KCND2: variants seen among roughly 807,000 people sequenced by gnomAD.
KCND2 encodes potassium voltage-gated channel subfamily D member 2, also known as A-type voltage-gated potassium channel KCND2.
KCND2 carries 16 observed loss-of-function variants against 54.4 expected under a neutral mutation model. That is an observed-to-expected ratio of 0.29 (90% CI 0.20 to 0.45). KCND2 has a LOEUF of 0.45. Ranked by LOEUF, KCND2 falls within the 20% of genes least tolerant of loss-of-function variation. The pLI is 1.00. For missense variants in KCND2, 486 were observed against 824.2 expected (o/e 0.59, Z 5.02); for synonymous variants, 317 against 310.7 (o/e 1.02, Z -0.21).
At chr7:120,331,911 C>T (rs1363006661) in intron 1 of KCND2, among the ~76,000 whole-genome samples, 1 of 152,150 alleles carries the variant, frequency 6.6e-6, no homozygotes. Flanking sequence ...TCCCCACTCT[C>T]CTTTTCTGTT....
At chr7:120,483,624 A>C (rs562578615) in intron 1 of KCND2, among the ~76,000 whole-genome samples, 3 of 152,334 alleles carry the variant, frequency 2.0e-5, no homozygotes, top group African/African-American at 4.8e-5. Flanking sequence ...GAAAATCAGA[A>C]ACATGAAGCG....
chr7:120,748,856 TCAA>T lies in KCND2; in HGVS notation c.*1002_*1004del, dbSNP rs1272800927. 6.6e-6 allele frequency: 1 copy of T among 151,992 alleles called. No individual in the cohort carries two copies. The highest frequency in any genetic ancestry group is 1.9e-4 in the East Asian group (1 of 5,196). 9.4% of individuals were successfully genotyped at this position (151,992 alleles called of 1,614,324 possible). A position where few individuals can be genotyped will look rare whatever the true frequency, so the allele number is the denominator to read the frequency against. ...CACCTCTCTATTGGGTTTATCATCA[TCAA>T]CAAGACTACTGTTTACTGTAGTTCA... On this transcript the variant is annotated 3_prime_UTR_variant, in exon 6 of 6. Coordinates refer to ENST00000331113, the MANE Select transcript of KCND2 (RefSeq NM_012281.3).
chr7:120,592,589 A>G (rs1227355507), intron 1 of KCND2, among the ~76,000 whole-genome samples: 2 of 152,216 alleles, frequency 1.3e-5, no homozygotes, highest in Admixed American at 6.5e-5. Flanking sequence ...AATTAATTAT[A>G]CAATATTTGA....
chr7:120,648,818 A>T (rs1215237592), intron 1 of KCND2, among the ~76,000 whole-genome samples: 1 of 152,260 alleles, frequency 6.6e-6, no homozygotes, highest in Non-Finnish European at 1.5e-5. Flanking sequence ...ATAGCATTTC[A>T]TCTAAATGGC....
At chr7:120,716,472 G>A (rs2116087284) in intron 1 of KCND2, among the ~76,000 whole-genome samples, 1 of 152,180 alleles carries the variant, frequency 6.6e-6, no homozygotes, top group East Asian at 1.9e-4. Context: ...CCATTGTGTA[G>A]CAGTCAACTC....
chr7:120,620,656 A>G (rs969852424), intron 1 of KCND2, among the ~76,000 whole-genome samples: 7 of 152,214 alleles, frequency 4.6e-5, no homozygotes, highest in Non-Finnish European at 1.0e-4. Context: ...AAGAATTGAC[A>G]TGCTAAGTCA....
chr7:120,562,124 T>C (rs756365942), intron 1 of KCND2, among the ~76,000 whole-genome samples: 1 of 152,166 alleles, frequency 6.6e-6, no homozygotes, highest in Non-Finnish European at 1.5e-5. Flanking sequence ...TTGAAAGTTA[T>C]AAGCGCAAGA....
intron 1 of KCND2, among the ~76,000 whole-genome samples, chr7:120,380,474 T>C (rs560906725): frequency 2.3e-4 from 35 of 152,104 alleles, no homozygotes; most frequent in Non-Finnish European, 3.5e-4. Flanking sequence ...AATTCCAAAG[T>C]AGTATAACTT....
At chr7:120,283,218 C>T (rs1268405169) in intron 1 of KCND2, among the ~76,000 whole-genome samples, 2 of 151,990 alleles carry the variant, frequency 1.3e-5, no homozygotes, top group East Asian at 3.9e-4. Context: ...GTAATAGAAG[C>T]AAAGAGAGTA....
At chr7:120,403,620 A>G (rs1167361938) in intron 1 of KCND2, among the ~76,000 whole-genome samples, 3 of 151,492 alleles carry the variant, frequency 2.0e-5, no homozygotes, top group African/African-American at 7.3e-5. Context: ...ATGAGCCACC[A>G]TGCCAGGTGA....
intron 1 of KCND2, among the ~76,000 whole-genome samples, chr7:120,495,045 C>T (rs938536556): frequency 1.3e-4 from 20 of 152,192 alleles, no homozygotes; most frequent in African/African-American, 2.4e-5. Context: ...CTTCTTTCTA[C>T]TCCCCTGAAA....
chr7:120,368,515 G>A (rs758762175), intron 1 of KCND2, among the ~76,000 whole-genome samples: 1 of 152,042 alleles, frequency 6.6e-6, no homozygotes, highest in Non-Finnish European at 1.5e-5. Context: ...TTCTAAAAGT[G>A]ACTTTTCTCT....
intron 1 of KCND2, among the ~76,000 whole-genome samples, chr7:120,585,029 A>G (rs927475167): frequency 6.6e-6 from 1 of 152,194 alleles, no homozygotes; most frequent in Non-Finnish European, 1.5e-5. Flanking sequence ...GGCATATAAG[A>G]AGATTGAGTT....
intron 1 of KCND2, among the ~76,000 whole-genome samples, chr7:120,679,849 A>T (rs1792117374): frequency 6.6e-6 from 1 of 152,080 alleles, no homozygotes; most frequent in Non-Finnish European, 1.5e-5. Flanking sequence ...GGGGTTCTTT[A>T]ATTTATTCAT....
chr7:120,458,731 A>G (rs1802238016), intron 1 of KCND2, among the ~76,000 whole-genome samples: 1 of 152,182 alleles, frequency 6.6e-6, no homozygotes, highest in Admixed American at 6.5e-5. Flanking sequence ...GTCATCCTGC[A>G]TAGAAAATCC....
In KCND2 at chr7:120,675,212, T is replaced by A. The variant is rs566321413; in HGVS notation, c.1116-57691T>A. Among the ~76,000 whole-genome samples, 7 of 152,120 alleles carry A rather than the reference T, an allele frequency of 4.6e-5. No homozygotes were observed. In the South Asian group the frequency reaches 1.2e-3, roughly 27 times the overall value. On this transcript the variant is annotated intron_variant, in intron 1 of 5. Coordinates refer to ENST00000331113, the MANE Select transcript of KCND2 (RefSeq NM_012281.3). ...GGGTTTTTAACTTTATCATTCTTTA[T>A]TGAGTTTCTACTGCTTTTTGTTTGT...
At chr7:120,735,648 T>G (rs1426322073) in intron 2 of KCND2, among the ~76,000 whole-genome samples, 2 of 152,104 alleles carry the variant, frequency 1.3e-5, no homozygotes, top group Admixed American at 1.3e-4. Context: ...GTAAATAATG[T>G]GACATTCTAA....
At chr7:120,656,932 G>A (rs747249521) in intron 1 of KCND2, among the ~76,000 whole-genome samples, 25 of 152,218 alleles carry the variant, frequency 1.6e-4, no homozygotes, top group Non-Finnish European at 2.9e-4. Context: ...CTTTCCAAGG[G>A]ACCTATCCAG....
At chr7:120,581,165 C>A (rs571816067) in intron 1 of KCND2, among the ~76,000 whole-genome samples, 11 of 152,304 alleles carry the variant, frequency 7.2e-5, no homozygotes, top group African/African-American at 2.4e-4. Context: ...GCAGAGTTTT[C>A]TAAGCTTATT....
Sources: gnomAD v4.1 joint callset for allele counts (sites outside exome capture counted in the v4.1 genomes callset) on GRCh38, gnomAD v4.1.1 for gene constraint, MANE v1.5 for transcripts, NCBI Gene and HGNC (gene_info 2026-07-23, HGNC 2026-07-21) for gene names.